The following NCALD variants were observed in gnomAD, a reference collection of about 807,000 sequenced individuals.
The protein encoded by NCALD is neurocalcin-delta.
In NCALD, 10 loss-of-function variants were observed where a neutral mutation model predicts 18.6. The ratio of observed to expected loss-of-function variants is 0.54; its 90% CI spans 0.33 to 0.91. The LOEUF (loss-of-function observed/expected upper bound fraction) is 0.91, where lower values mean the gene tolerates loss of function less well. NCALD is among the 40% of genes least tolerant of loss of function. The pLI is 0.03. For synonymous variants in NCALD, 88 were observed against 87.4 expected, an observed-to-expected ratio of 1.01 and a Z score of -0.04; for missense variants, 184 against 247.6, an observed-to-expected ratio of 0.74 and a Z score of 1.72.
At chr8:101,877,231 T>C (rs1816263665) in intron 4 of NCALD, among the ~76,000 whole-genome samples, 2 of 152,360 alleles carry the variant, frequency 1.3e-5, no homozygotes, top group Non-Finnish European at 2.9e-5. Context: ...GGATCTTATG[T>C]GAGGATAATC....
intron 2 of NCALD, among the ~76,000 whole-genome samples, chr8:101,700,055 T>C (rs372122922): frequency 2.5e-4 from 37 of 150,890 alleles, no homozygotes; most frequent in African/African-American, 8.1e-4. Context: ...TTTATTTATT[T>C]ATTCATTTAT....
At chr8:101,772,190 G>A (rs941965970) in intron 1 of NCALD, among the ~76,000 whole-genome samples, 2 of 152,192 alleles carry the variant, frequency 1.3e-5, no homozygotes, top group African/African-American at 4.8e-5. Context: ...TGGGAAACGT[G>A]TCTTATCATA....
intron 1 of NCALD, among the ~76,000 whole-genome samples, chr8:102,100,978 G>A (rs144217275): frequency 6.6e-6 from 1 of 152,312 alleles, no homozygotes; most frequent in African/African-American, 2.4e-5. Flanking sequence ...ATGGATGGTG[G>A]TGATGGTTGC....
chr8:101,846,119 A>T (rs1476459065), intron 4 of NCALD, among the ~76,000 whole-genome samples: 1 of 152,230 alleles, frequency 6.6e-6, no homozygotes, highest in Non-Finnish European at 1.5e-5. Flanking sequence ...TACTGTGAAC[A>T]GTGCAGCAAC....
At chr8:101,898,860 A>G (rs1185925830) in intron 3 of NCALD, among the ~76,000 whole-genome samples, 1 of 152,066 alleles carries the variant, frequency 6.6e-6, no homozygotes, top group African/African-American at 2.4e-5. Flanking sequence ...TAGACATTCT[A>G]GTTGCCTTAC....
intron 2 of NCALD, among the ~76,000 whole-genome samples, chr8:101,981,395 T>C (rs567650940): frequency 6.6e-6 from 1 of 152,334 alleles, no homozygotes; most frequent in South Asian, 2.1e-4. Context: ...TCTTCCACAA[T>C]GTATTTTTAG....
intron 2 of NCALD, among the ~76,000 whole-genome samples, chr8:101,980,809 T>C (rs1461215519): frequency 1.3e-5 from 2 of 152,194 alleles, no homozygotes; most frequent in African/African-American, 4.8e-5. Flanking sequence ...TCATGTACCA[T>C]CCAGATTGCA....
chr8:101,828,557 TTC>T (rs1302450506), intron 4 of NCALD, among the ~76,000 whole-genome samples: 11 of 63,570 alleles, frequency 1.7e-4, no homozygotes, highest in East Asian at 1.1e-3. Flanking sequence ...CCTAATTTCC[TTC>T]TTTTTTTTTT....
chr8:101,871,915 G>A (rs1816036622), intron 4 of NCALD: 3 of 703,404 alleles, frequency 4.3e-6, no homozygotes, highest in East Asian at 5.1e-5. Flanking sequence ...CGGCTTCTTA[G>A]GGTTTTCCTC....
chr8:101,871,069 T>C (rs1467288506), intron 4 of NCALD, among the ~76,000 whole-genome samples: 3 of 152,160 alleles, frequency 2.0e-5, no homozygotes, highest in African/African-American at 2.4e-5. Flanking sequence ...TGCATGAAAC[T>C]GCAATTCATG....
chr8:101,865,320 A>C (rs473498), intron 4 of NCALD, among the ~76,000 whole-genome samples: 58,737 of 151,970 alleles, frequency 0.39, 13,985 homozygotes, highest in African/African-American at 0.67. Context: ...GAAGTCAAAT[A>C]TTTTCCCTGA....
chr8:101,954,382 C>T (rs1191458061), intron 2 of NCALD, among the ~76,000 whole-genome samples: 1 of 152,082 alleles, frequency 6.6e-6, no homozygotes, highest in Non-Finnish European at 1.5e-5. Flanking sequence ...AGCCCGAGGC[C>T]CTCCTCATTT....
intron 2 of NCALD, among the ~76,000 whole-genome samples, chr8:101,938,314 TA>T (rs1818835751): frequency 6.6e-6 from 1 of 152,220 alleles, no homozygotes; most frequent in South Asian, 2.1e-4. Context: ...ATTTAACCTT[TA>T]TAATACTCTT....
chr8:102,096,846 CTT>C (rs1412879718), intron 1 of NCALD, among the ~76,000 whole-genome samples: 2 of 152,224 alleles, frequency 1.3e-5, no homozygotes, highest in Non-Finnish European at 2.9e-5. Flanking sequence ...TCGCTTCATT[CTT>C]TCCCTGCTTT....
At chr8:102,115,057 T>A (rs897628535) in intron 1 of NCALD, among the ~76,000 whole-genome samples, 2 of 152,210 alleles carry the variant, frequency 1.3e-5, no homozygotes, top group South Asian at 4.1e-4. Flanking sequence ...GCATTAATCC[T>A]CCACTAGCAC....
chr8:101,931,470 G>A (rs917085219), intron 2 of NCALD, among the ~76,000 whole-genome samples: 4 of 152,204 alleles, frequency 2.6e-5, no homozygotes, highest in African/African-American at 9.7e-5. Context: ...AGAGCAGAAA[G>A]AAGCCTGGAC....
At chr8:101,780,144 G>A (rs1811953053) in intron 1 of NCALD, among the ~76,000 whole-genome samples, 1 of 152,010 alleles carries the variant, frequency 6.6e-6, no homozygotes, top group South Asian at 2.1e-4. Context: ...CTATACTTAA[G>A]TTATTTAAAA....
intron 4 of NCALD, chr8:101,872,012 C>T (rs985722908): frequency 1.7e-5 from 17 of 983,606 alleles, no homozygotes; most frequent in Non-Finnish European, 2.6e-5. Flanking sequence ...ACCAGAGGAC[C>T]GATCAACTGA....
At chr8:101,871,088 G>A (rs1815998925) in intron 4 of NCALD, among the ~76,000 whole-genome samples, 1 of 152,108 alleles carries the variant, frequency 6.6e-6, no homozygotes, top group African/African-American at 2.4e-5. Context: ...TGTGCTCTGA[G>A]CGCAATTTAA....
Sources: allele counts gnomAD v4.1 joint callset (sites outside exome capture counted in the v4.1 genomes callset), GRCh38; gene constraint gnomAD v4.1.1; transcripts MANE v1.5; gene names NCBI Gene and HGNC (gene_info 2026-07-23, HGNC 2026-07-21).